The following CPNE4 variants were observed in gnomAD, a reference collection of about 807,000 sequenced individuals.
The protein encoded by CPNE4 is copine-4.
A neutral mutation model predicts 67.9 loss-of-function variants in CPNE4; 25 were observed. The ratio of observed to expected loss-of-function variants is 0.37; its 90% CI spans 0.27 to 0.51. The LOEUF (loss-of-function observed/expected upper bound fraction) is 0.51. Among genes scored for constraint, CPNE4 ranks in the 20% least tolerant of loss-of-function variants. The pLI is 0.93. For synonymous variants in CPNE4, 242 were observed against 244.9 expected, an observed-to-expected ratio of 0.99 and a Z score of 0.11; for missense variants, 464 against 690.8, an observed-to-expected ratio of 0.67 and a Z score of 3.68.
intron 7 of CPNE4, among the ~76,000 whole-genome samples, chr3:131,665,328 G>T (rs1418496052): frequency 6.6e-6 from 1 of 152,038 alleles, no homozygotes; most frequent in Non-Finnish European, 1.5e-5. Context: ...AGAAAAAAAG[G>T]GGTAAGGATA....
At chr3:131,711,945 C>G (rs373816032) in intron 3 of CPNE4, among the ~76,000 whole-genome samples, 1 of 152,074 alleles carries the variant, frequency 6.6e-6, no homozygotes, top group Non-Finnish European at 1.5e-5. Context: ...TCAAATTAGC[C>G]CAGCCAACTC....
At chr3:131,939,364 C>T (rs977821075) in intron 1 of CPNE4, among the ~76,000 whole-genome samples, 1 of 151,962 alleles carries the variant, frequency 6.6e-6, no homozygotes, top group African/African-American at 2.4e-5. Flanking sequence ...AATGAAGCAG[C>T]AAACAATAAA....
At chr3:131,600,206 A>C (rs1245016139) in intron 7 of CPNE4, among the ~76,000 whole-genome samples, 1 of 152,150 alleles carries the variant, frequency 6.6e-6, no homozygotes, top group African/African-American at 2.4e-5. Context: ...GATCCATGTA[A>C]CATGACTCTC....
rs758239619 is a variant in CPNE4 at position 131,967,732 on chromosome 3, C to T, written c.-1-62288G>A. Among the ~76,000 whole-genome samples the T allele has an allele frequency of 2.1e-4, 32 of 152,264 alleles. No homozygotes were observed. The Middle Eastern group carries it at 0.014, about 65-fold the overall frequency. ...GACACAAACAAATAGAAAAAATATT[C>T]CATGCTCATAGACCGGAAAAATCAA... On this transcript the variant is annotated intron_variant, in intron 1 of 15. Transcript: ENST00000429747.
chr3:131,865,003 G>A (rs1361868820), intron 2 of CPNE4, among the ~76,000 whole-genome samples: 1 of 152,132 alleles, frequency 6.6e-6, no homozygotes, highest in East Asian at 1.9e-4. Context: ...ATGCTGGATT[G>A]TGTTTATTGA....
intron 7 of CPNE4, among the ~76,000 whole-genome samples, chr3:131,595,818 G>C (rs1938807862): frequency 6.6e-6 from 1 of 152,136 alleles, no homozygotes; most frequent in Non-Finnish European, 1.5e-5. Context: ...ATTTGGAAGG[G>C]ATGAATATCC....
intron 7 of CPNE4, among the ~76,000 whole-genome samples, chr3:131,604,607 C>T (rs1287371397): frequency 2.0e-5 from 3 of 152,082 alleles, no homozygotes; most frequent in Non-Finnish European, 4.4e-5. Context: ...AGCATTCCAG[C>T]CTACATCTTT....
chr3:131,814,340 T>A (rs2084646472), intron 2 of CPNE4, among the ~76,000 whole-genome samples: 1 of 152,036 alleles, frequency 6.6e-6, no homozygotes, highest in African/African-American at 2.4e-5. Context: ...GTCACCATTC[T>A]AGAGAGAAAA....
intron 2 of CPNE4, among the ~76,000 whole-genome samples, chr3:131,882,744 C>T (rs555855349): frequency 3.5e-4 from 27 of 77,682 alleles, no homozygotes; most frequent in African/African-American, 7.7e-4. Context: ...TTTTTTGAGA[C>T]GGAGTCTCGC....
At chr3:131,679,468 A>T (rs1361129244) in intron 6 of CPNE4, among the ~76,000 whole-genome samples, 1 of 151,838 alleles carries the variant, frequency 6.6e-6, no homozygotes, top group African/African-American at 2.4e-5. Context: ...GTCTTCTGCT[A>T]GCTTTGGGAT....
At chr3:131,660,543 T>C (rs994442169) in intron 7 of CPNE4, among the ~76,000 whole-genome samples, 5 of 152,204 alleles carry the variant, frequency 3.3e-5, no homozygotes, top group African/African-American at 7.2e-5. Context: ...GGCTACTCTT[T>C]TGAAGAGTAC....
rs557369337 is a variant in CPNE4 at position 131,777,601 on chromosome 3, T to C, written c.181-53976A>G. ...AGGGAGCCCTGTTCATCAGGATGTA[T>C]GGTGACTGCTTTCTTTGGGCGGTTG... On this transcript the variant is annotated intron_variant, in intron 2 of 15. Coordinates refer to ENST00000429747, the MANE Select transcript of CPNE4 (RefSeq NM_130808.3). Among the ~76,000 whole-genome samples the C allele has an allele frequency of 8.2e-4, 124 of 152,094 alleles. 1 individual carries two copies. The highest frequency in any genetic ancestry group is 1.5e-3 in the Non-Finnish European group (105 of 67,982).
chr3:131,533,607 TTAAA>T lies in CPNE4; in HGVS notation c.*1584_*1587del, dbSNP rs1934993187. 1 of 152,212 alleles carries T rather than the reference TTAAA, an allele frequency of 6.6e-6. No homozygotes were observed. Among genetic ancestry groups the T allele is most frequent in the African/African-American group, 2.4e-5 (1 of 41,452 alleles). 9.4% of individuals were successfully genotyped at this position (152,212 alleles called of 1,614,324 possible). On this transcript the variant is annotated 3_prime_UTR_variant, in exon 16 of 16. Transcript: ENST00000429747. ...CAATTTATTAATAAAACAATATAGC[TTAAA>T]TATTTATGATTTTTTCAGTCATACA... is the stretch of plus-strand genomic sequence containing the variant.
intron 7 of CPNE4, among the ~76,000 whole-genome samples, chr3:131,601,510 A>G (rs56827906): frequency 0.028 from 4,274 of 152,252 alleles, 66 homozygotes; most frequent in Middle Eastern, 0.051. Context: ...AAGAGCAAAT[A>G]AAAACCTGGT....
intron 1 of CPNE4, among the ~76,000 whole-genome samples, chr3:131,970,024 T>A (rs545380799): frequency 6.6e-6 from 1 of 152,306 alleles, no homozygotes; most frequent in African/African-American, 2.4e-5. Flanking sequence ...TACGAAGGAT[T>A]TCCAGCTCTG....
At chr3:131,856,098 C>T (rs1268436669) in intron 2 of CPNE4, among the ~76,000 whole-genome samples, 1 of 151,950 alleles carries the variant, frequency 6.6e-6, no homozygotes, top group Non-Finnish European at 1.5e-5. Context: ...AGGCCAGGAA[C>T]TTCTGATAAT....
intron 2 of CPNE4, among the ~76,000 whole-genome samples, chr3:131,757,711 G>T (rs2082785173): frequency 3.3e-5 from 5 of 152,154 alleles, no homozygotes; most frequent in Non-Finnish European, 1.5e-5. Context: ...AGACCCTCAG[G>T]GCAGCCCCTC....
rs13082985 is a variant in CPNE4, at chr3:131,667,600, C to T, written c.681+2075G>A. ...GAGAAACCCTGATCCTTCTCTCCCC[C>T]CTCCCTTCCTTCCTTTTTCTTTCCT... On this transcript the variant is annotated intron_variant, in intron 7 of 15. Coordinates refer to ENST00000429747, the MANE Select transcript of CPNE4 (RefSeq NM_130808.3). Among the ~76,000 whole-genome samples, 21 of 151,278 alleles carry T rather than the reference C, an allele frequency of 1.4e-4. No individual in the cohort carries two copies. The East Asian group carries it at 3.5e-3, about 25-fold the overall frequency.
rs561604946 is a variant in CPNE4 at position 131,953,165 on chromosome 3, C to T, written c.-1-47721G>A. ...AGACCTTTGCTCACTTGTTAATCTG[C>T]TGACCTTCCCTCCACTATTGTCATA... On this transcript the variant is annotated intron_variant, in intron 1 of 15. Transcript: ENST00000429747. 2.8e-3 allele frequency among the ~76,000 whole-genome samples: 419 copies of T among 148,166 alleles called. 3 individuals are homozygous for T. Among genetic ancestry groups the T allele is most frequent in the African/African-American group, 9.9e-3 (395 of 39,984 alleles).
Sources: gnomAD v4.1 joint callset for allele counts (sites outside exome capture counted in the v4.1 genomes callset) on GRCh38, gnomAD v4.1.1 for gene constraint, MANE v1.5 for transcripts, NCBI Gene and HGNC (gene_info 2026-07-23, HGNC 2026-07-21) for gene names.